The following CUL7 variants were observed in gnomAD, a reference collection of about 807,000 sequenced individuals.
CUL7 encodes cullin 7, also known as cullin-7.
A neutral mutation model predicts 177.7 loss-of-function variants in CUL7; 96 were observed. That is an observed-to-expected ratio of 0.54 (90% CI 0.46 to 0.64). The LOEUF is 0.64. Ranked by LOEUF, CUL7 falls within the 30% of genes least tolerant of loss-of-function variation. CUL7 has a pLI of 0.00. For synonymous variants in CUL7, 824 were observed against 890.2 expected (o/e 0.93, Z 1.32); for missense variants, 1,893 against 2,187.9 (o/e 0.87, Z 2.69).
At position 43,040,585 on chromosome 6, in the gene CUL7, A is replaced by G. The variant is rs1413730074; in HGVS notation, c.3968T>C (p.Leu1323Pro). 1.2e-6 allele frequency: 2 copies of G among 1,614,026 alleles called. No individual in the cohort carries two copies. The highest frequency in any genetic ancestry group is 4.5e-5 in the East Asian group (2 of 44,894). ...ELQRQFHVYQ[L>P]QQLDQELLKL... is the part of the protein sequence containing the mutation. The stretch of plus-strand genomic sequence containing the variant: ...CAGGAGTTCCTGATCCAGCTGCTGG[A>G]GCTGGTAGACGTGGAACTGGCGCTG... Residue 1323 changes from leucine to proline, a missense_variant, in exon 21 of 26, where the codon CTC (leucine) becomes CCC (proline). Transcript: ENST00000265348. This position sits in a 1 kb window ranked among gnomAD's most constrained non-coding sequence, Gnocchi z 4.2.
chr6:43,045,087 C>T lies in CUL7; in HGVS notation c.3038+140G>A. On this transcript the variant is annotated intron_variant, in intron 15 of 25. Transcript: ENST00000265348. The surrounding 1 kb of genome is among the most constrained non-coding windows in gnomAD (Gnocchi z 4.8). Reference sequence around the variant, plus strand: ...TTCTCTTTATCCTTTCTTCCCCTCCCACAGCTCAGAAAACTCCAGCCCCCT... The same window carrying T: ...TTCTCTTTATCCTTTCTTCCCCTCCTACAGCTCAGAAAACTCCAGCCCCCT... 1 of 1,347,330 alleles carries T rather than the reference C, an allele frequency of 7.4e-7. No homozygotes were observed. Among genetic ancestry groups the T allele is most frequent in the Non-Finnish European group, 1.0e-6 (1 of 972,654 alleles). The allele number at this position is 1,347,330 out of a possible 1,614,324, so 83.5% of individuals were successfully genotyped here. A position where few individuals can be genotyped will look rare whatever the true frequency, so the allele number is the denominator to read the frequency against.
chr6:43,053,802 G>A lies in CUL7; in HGVS notation c.-189C>T, dbSNP rs770729447. On this transcript the variant is annotated 5_prime_UTR_variant, in exon 1 of 26. Transcript: ENST00000265348. This position sits in a 1 kb window ranked among gnomAD's most constrained non-coding sequence, Gnocchi z 4.1. ...ACCCGCGTGAGTCGGCAGCCACTGG[G>A]GCAGGGTGGGGCCCGGTCCCTGCCA... The A allele has an allele frequency of 9.8e-6, 15 of 1,532,514 alleles. 1 individual carries two copies. The Middle Eastern group carries it at 2.0e-3, about 200-fold the overall frequency. The allele number at this position is 1,532,514 out of a possible 1,614,324, so 94.9% of individuals were successfully genotyped here.
chr6:43,049,778 A>T (rs1243368168), intron 6 of CUL7, 116 bp from the exon 7 acceptor site: 2 of 1,480,994 alleles, frequency 1.4e-6, no homozygotes, highest in African/African-American at 2.8e-5. Context: ...TGATCCTCTC[A>T]CAGCTGGCAG....
At chr6:43,039,747 T>C (rs958670240) in intron 22 of CUL7, among the ~76,000 whole-genome samples, 1 of 144,802 alleles carries the variant, frequency 6.9e-6, no homozygotes, top group Non-Finnish European at 1.5e-5. Context: ...TTTTTTTTTT[T>C]TTTTTTTTTT....
In CUL7 at chr6:43,052,441, G is replaced by A; in HGVS notation, c.348C>T (p.Ser116=). The change falls in exon 2 of 26, where the codon TCC becomes TCT. Residue 116 remains serine, a synonymous_variant. Transcript: ENST00000265348. The surrounding 1 kb of genome is among the most constrained non-coding windows in gnomAD (Gnocchi z 4.5). The part of the protein sequence containing the change: ...VLEEMETDVK[S]LIQRALRQLE... ...GCTGCCGAAGGGCTCTCTGAATGAG[G>A]GACTTCACGTCGGTTTCCATCTCCT... 1.9e-6 allele frequency: 3 copies of A among 1,614,086 alleles called. No individual in the cohort carries two copies. The highest frequency in any genetic ancestry group is 2.2e-5 in the East Asian group (1 of 44,882).
Position 43,042,842 on chromosome 6 carries a change from G to A in CUL7, c.3605C>T (p.Ala1202Val), listed in dbSNP as rs762601845. ...AFLLALQNGCAGALLKLPFLK... is the reference protein window; with the variant it reads ...AFLLALQNGCVGALLKLPFLK... ...AAAAGGGAGCTTCAGCAAGGCTCCC[G>A]CACAGCCATTTTGCAGCGCCAGCAA... Residue 1202 changes from alanine to valine, a missense_variant, in exon 19 of 26, where the codon GCG becomes GTG. Around this residue, in one of 5 missense-constraint regions of CUL7, gnomAD observed 973 missense variants for 1,140.9 expected, o/e 0.85. Coordinates refer to ENST00000265348, the MANE Select transcript of CUL7 (RefSeq NM_014780.5). 1.8e-5 allele frequency: 29 copies of A among 1,613,430 alleles called. No individual in the cohort carries two copies. Among genetic ancestry groups the A allele is most frequent in the South Asian group, 4.4e-5 (4 of 90,990 alleles).
chr6:43,043,717 G>A lies in CUL7; in HGVS notation c.3173-87C>T. On this transcript the variant is annotated intron_variant, in intron 16 of 25. Coordinates refer to ENST00000265348, the MANE Select transcript of CUL7 (RefSeq NM_014780.5). The surrounding 1 kb of genome is among the most constrained non-coding windows in gnomAD (Gnocchi z 4.2). ...GGCTGAACAGGAGTGTGGAGATAGA[G>A]CAACTGGACGGAATGATACAAGGAA... is the stretch of plus-strand genomic sequence containing the variant. 1 of 869,632 alleles carries A rather than the reference G, an allele frequency of 1.1e-6. No individual in the cohort carries two copies. Among genetic ancestry groups the A allele is most frequent in the South Asian group, 1.4e-5 (1 of 70,334 alleles). 53.9% of individuals were successfully genotyped at this position (869,632 alleles called of 1,614,324 possible).
chr6:43,049,788 G>A, intron 6 of CUL7, 126 bp from the exon 7 acceptor site: 2 of 1,444,042 alleles, frequency 1.4e-6, no homozygotes, highest in East Asian at 2.3e-5. Context: ...ACAGCTGGCA[G>A]CTGGCTCCTC....
chr6:43,039,049 G>A, intron 22 of CUL7, 62 bp from the exon 23 acceptor site: 1 of 1,112,844 alleles, frequency 9.0e-7, no homozygotes, highest in Non-Finnish European at 1.4e-6. Context: ...GTGTTGGAGG[G>A]AGGGTGCACG....
In CUL7 at chr6:43,038,910, A is replaced by G. The variant is rs752498664; in HGVS notation, c.4372T>C (p.Phe1458Leu). ...WTWLGWAELQFGNQTLHVSTV... is the reference protein window; with the variant it reads ...WTWLGWAELQLGNQTLHVSTV... Reference sequence around the variant, plus strand: ...GACACATGCAGGGTCTGGTTCCCAAACTGCAGCTCAGCCCAGCCCAGCCAC... The same window carrying G: ...GACACATGCAGGGTCTGGTTCCCAAGCTGCAGCTCAGCCCAGCCCAGCCAC... Residue 1458 changes from phenylalanine to leucine, a missense_variant, in exon 23 of 26, where the codon TTT becomes CTT. Phe to Leu is a conservative substitution (Grantham distance 22). Coordinates refer to ENST00000265348, the MANE Select transcript of CUL7 (RefSeq NM_014780.5). 1.2e-6 allele frequency: 2 copies of G among 1,614,114 alleles called. No homozygotes were observed.
At position 43,038,164 on chromosome 6, in the gene CUL7, C is replaced by T. The variant is rs1000445366; in HGVS notation, c.4773+103G>A. On this transcript the variant is annotated intron_variant, in intron 25 of 25. Coordinates refer to ENST00000265348, the MANE Select transcript of CUL7 (RefSeq NM_014780.5). The stretch of plus-strand genomic sequence containing the variant: ...ACTCCTCACACTCCTACAGGCTACA[C>T]AGTGAACCAGGTGCCTCACCACACG... 17 of 1,499,818 alleles carry T rather than the reference C, an allele frequency of 1.1e-5. No homozygotes were observed. In the African/African-American group the frequency reaches 2.1e-4, roughly 18 times the overall value. 92.9% of individuals were successfully genotyped at this position (1,499,818 alleles called of 1,614,324 possible). A position where few individuals can be genotyped will look rare whatever the true frequency, so the allele number is the denominator to read the frequency against.
At chr6:43,047,933 T>A (rs1764053523) in intron 9 of CUL7, 2 of 577,024 alleles carry the variant, frequency 3.5e-6, no homozygotes, top group Admixed American at 6.0e-5. Context: ...AGAGCAAGAA[T>A]TCTCAGTGTA....
chr6:43,051,496 C>G lies in CUL7; in HGVS notation c.733-28G>C, dbSNP rs199967359. ...GTGGGATACAACCTTTGGCCTATATCCACCTTGTCCCAGTTTAAGCCCCTC... is the reference window on the plus strand; with the variant it reads ...GTGGGATACAACCTTTGGCCTATATGCACCTTGTCCCAGTTTAAGCCCCTC... On this transcript the variant is annotated intron_variant, in intron 3 of 25. Coordinates refer to ENST00000265348, the MANE Select transcript of CUL7 (RefSeq NM_014780.5). This position sits in a 1 kb window ranked among gnomAD's most constrained non-coding sequence, Gnocchi z 5.0. 6.2e-7 allele frequency: 1 copy of G among 1,614,014 alleles called. No individual in the cohort carries two copies. Among genetic ancestry groups the G allele is most frequent in the South Asian group, 1.1e-5 (1 of 90,992 alleles).
chr6:43,043,542 T>C lies in CUL7; in HGVS notation c.3261A>G (p.Pro1087=). The change falls in exon 17 of 26, where the codon CCA becomes CCG. Residue 1087 remains proline, a synonymous_variant. Transcript: ENST00000265348. The surrounding 1 kb of genome is among the most constrained non-coding windows in gnomAD (Gnocchi z 4.2). ...EAVFNPQSRG[P]AFFSRVRRLT... is the part of the protein sequence containing the mutation. ...GACGGCGCACCCGCGAGAAGAAAGC[T>C]GGGCCGCGGCTCTGGGGGTTGAAGA... 1.2e-6 allele frequency: 2 copies of C among 1,613,294 alleles called. No homozygotes were observed. Among genetic ancestry groups the C allele is most frequent in the Non-Finnish European group, 1.7e-6 (2 of 1,179,746 alleles).
rs768029347 is a variant in CUL7, at chr6:43,053,646, C to T, written c.-33G>A. On this transcript the variant is annotated 5_prime_UTR_variant, in exon 1 of 26. Coordinates refer to ENST00000265348, the MANE Select transcript of CUL7 (RefSeq NM_014780.5). This position sits in a 1 kb window ranked among gnomAD's most constrained non-coding sequence, Gnocchi z 4.1. ...CCTCAGAAGTCCACCGGGGTCCTGG[C>T]GCGAGGCCTGTCCTTCACAGAGCAA... 13 of 1,377,966 alleles carry T rather than the reference C, an allele frequency of 9.4e-6. No individual in the cohort carries two copies. Among genetic ancestry groups the T allele is most frequent in the Admixed American group, 3.3e-5 (1 of 29,990 alleles). 85.4% of individuals were successfully genotyped at this position (1,377,966 alleles called of 1,614,324 possible). A position where few individuals can be genotyped will look rare whatever the true frequency, so the allele number is the denominator to read the frequency against.
At position 43,043,508 on chromosome 6, in the gene CUL7, G is replaced by T. The variant is rs1763628685; in HGVS notation, c.3295C>A (p.Leu1099Met). The T allele has an allele frequency of 6.2e-7, 1 of 1,614,014 alleles. No homozygotes were observed. Among genetic ancestry groups the T allele is most frequent in the African/African-American group, 1.3e-5 (1 of 74,932 alleles). The change falls in exon 17 of 26, where the codon CTG (leucine) becomes ATG (methionine). Residue 1099 changes from leucine (L) to methionine (M), a missense_variant. By Grantham distance (15) the Leu-to-Met change is conservative. Transcript: ENST00000265348. This position sits in a 1 kb window ranked among gnomAD's most constrained non-coding sequence, Gnocchi z 4.2. ...FFSRVRRLTH[L>M]LVHVEPCEAP... The stretch of plus-strand genomic sequence containing the variant: ...TCACAGGGCTCGACATGCACCAGCA[G>T]GTGAGTGAGACGGCGCACCCGCGAG...
At position 43,052,552 on chromosome 6, in the gene CUL7, G is replaced by T. The variant is rs761756841; in HGVS notation, c.237C>A (p.His79Gln). 1.2e-6 allele frequency: 2 copies of T among 1,614,224 alleles called. No homozygotes were observed. The highest frequency in any genetic ancestry group is 1.7e-6 in the Non-Finnish European group (2 of 1,180,046). ...CCTGGCCATCCTCGCCCAGCATCTT[G>T]TGGCAGTTGGCATAGATCTCATCCT... Reference protein sequence around the residue: ...MSKDEIYANCHKMLGEDGQVI... With the variant: ...MSKDEIYANCQKMLGEDGQVI... The change falls in exon 2 of 26, where the codon CAC becomes CAA. Residue 79 changes from histidine to glutamine, a missense_variant. By Grantham distance (24) the His-to-Gln change is conservative. This residue lies in a region of CUL7 where 653 missense variants were observed against 725.2 expected (regional missense o/e 0.90). Coordinates refer to ENST00000265348, the MANE Select transcript of CUL7 (RefSeq NM_014780.5). This position sits in a 1 kb window ranked among gnomAD's most constrained non-coding sequence, Gnocchi z 4.5.
In CUL7 at chr6:43,046,560, T is replaced by C. The variant is rs9394939; in HGVS notation, c.2439A>G (p.Gln813=). 1,568,533 of 1,614,046 alleles carry C rather than the reference T, an allele frequency of 0.97. 762,366 individuals carry two copies. Among genetic ancestry groups the C allele is most frequent in the East Asian group, 1 (44,847 of 44,874 alleles). The change falls in exon 11 of 26, where the codon CAA becomes CAG. Residue 813 remains glutamine (Q), a synonymous_variant. Coordinates refer to ENST00000265348, the MANE Select transcript of CUL7 (RefSeq NM_014780.5). ...CATCAAAGAAAGGGATGTTGATGGG[T>C]TGGTGGGTTCGTCTGTGGTCTTCGA... The part of the protein sequence containing the change: ...GQIEDHRRTH[Q]PINIPFFDVF...
rs117068976 is a variant in CUL7, at chr6:43,046,495, G to A, written c.2488+16C>T. 1.1e-3 allele frequency: 1,854 copies of A among 1,614,128 alleles called. 35 individuals are homozygous for A. In the East Asian group the frequency reaches 0.038, roughly 33 times the overall value. On this transcript the variant is annotated intron_variant, in intron 11 of 25. Coordinates refer to ENST00000265348, the MANE Select transcript of CUL7 (RefSeq NM_014780.5). ...TAGGTGTGGGGAGGTGGAGCAACAC[G>A]GCAACAGGCACGAACCCTGGCACAG...
Sources: gnomAD v4.1 joint callset for allele counts (sites outside exome capture counted in the v4.1 genomes callset) on GRCh38, gnomAD v4.1.1 for gene constraint, gnomAD v4.1.1 regional missense constraint, Gnocchi (gnomAD v3.1) non-coding constraint, MANE v1.5 for transcripts, NCBI Gene and HGNC (gene_info 2026-07-23, HGNC 2026-07-21) for gene names.